Variants in CHD9 observed in about 807,000 individuals in gnomAD.
The protein encoded by CHD9 is chromodomain helicase DNA binding protein 9.
Under a neutral mutation model 316.1 loss-of-function variants are expected in CHD9, and 77 were observed. The ratio of observed to expected loss-of-function variants is 0.24; its 90% CI spans 0.20 to 0.29. The LOEUF is 0.29. Among genes scored for constraint, CHD9 ranks in the 10% least tolerant of loss-of-function variants. The pLI is 1.00. For missense variants in CHD9, 2,763 were observed against 3,438.1 expected (o/e 0.80, Z 4.91); for synonymous variants, 1,129 against 1,158.3 (o/e 0.97, Z 0.51).
At chr16:53,231,258 C>T (rs552893582) in intron 8 of CHD9, among the ~76,000 whole-genome samples, 161 bp from the exon 9 acceptor site, 1 of 152,224 alleles carries the variant, frequency 6.6e-6, no homozygotes, top group East Asian at 1.9e-4. Flanking sequence ...TTCATGTTAT[C>T]CTAGCTATCA....
intron 1 of CHD9, among the ~76,000 whole-genome samples, chr16:53,055,991 C>G (rs979534065): frequency 6.6e-6 from 1 of 151,230 alleles, no homozygotes; most frequent in Admixed American, 6.6e-5. Context: ...CAGTGAGAGG[C>G]CTTATAACGA....
chr16:53,248,416 G>A (rs1034641083), intron 16 of CHD9, among the ~76,000 whole-genome samples: 4 of 151,196 alleles, frequency 2.6e-5, no homozygotes, highest in South Asian at 2.1e-4. Flanking sequence ...AGACCATTAG[G>A]ATTCCATCTG....
chr16:53,259,979 T>C (rs1302511274), intron 19 of CHD9, among the ~76,000 whole-genome samples: 1 of 152,244 alleles, frequency 6.6e-6, no homozygotes, highest in African/African-American at 2.4e-5. Context: ...ATGTTTATAA[T>C]AATGAAGATA....
intron 1 of CHD9, among the ~76,000 whole-genome samples, chr16:53,078,216 A>T (rs2034719280): frequency 6.6e-6 from 1 of 152,228 alleles, no homozygotes; most frequent in Admixed American, 6.5e-5. Flanking sequence ...TGTTCCCTCC[A>T]AAAGTGGTGT....
intron 12 of CHD9, 76 bp from the exon 13 acceptor site, chr16:53,242,764 T>C (rs1000912303): frequency 7.7e-7 from 1 of 1,296,050 alleles, no homozygotes; most frequent in South Asian, 1.3e-5. Context: ...ACAGATGTTA[T>C]CTGATGCCAC....
At chr16:53,185,945 T>C (rs1457306299) in intron 2 of CHD9, among the ~76,000 whole-genome samples, 2 of 152,200 alleles carry the variant, frequency 1.3e-5, no homozygotes, top group Non-Finnish European at 2.9e-5. Context: ...CAGGCAGAAG[T>C]GTGCTGCAGG....
At chr16:53,056,182 C>T (rs2032090431) in intron 1 of CHD9, among the ~76,000 whole-genome samples, 1 of 152,180 alleles carries the variant, frequency 6.6e-6, no homozygotes, top group South Asian at 2.1e-4. Context: ...TGAGCCGCTG[C>T]GCCCCGCTGA....
At position 53,226,348 on chromosome 16, in the gene CHD9, T is replaced by C. The variant is rs777821340; in HGVS notation, c.1897-18T>C. ...TCAAAATAAATTATATAAATCTGAT[T>C]CTTGTGGTTCATTACAGAAAAGAAG... On this transcript the variant is annotated intron_variant, in intron 4 of 38. Coordinates refer to ENST00000447540, the MANE Select transcript of CHD9 (RefSeq NM_001308319.2). 1.3e-5 allele frequency: 19 copies of C among 1,493,840 alleles called. No homozygotes were observed. The African/African-American group carries it at 2.2e-4, about 17-fold the overall frequency. The allele number at this position is 1,493,840 out of a possible 1,614,324, so 92.5% of individuals were successfully genotyped here.
At chr16:53,323,069 C>T (rs1316515737) in intron 38 of CHD9, among the ~76,000 whole-genome samples, 3 of 152,010 alleles carry the variant, frequency 2.0e-5, no homozygotes, top group Non-Finnish European at 4.4e-5. Flanking sequence ...AAACAGTAGC[C>T]CCTCAGTAGC....
At chr16:53,089,474 T>C (rs2035753882) in intron 1 of CHD9, among the ~76,000 whole-genome samples, 1 of 152,202 alleles carries the variant, frequency 6.6e-6, no homozygotes, top group Admixed American at 6.5e-5. Flanking sequence ...ATTTAATATC[T>C]TTGAGCTTCA....
At chr16:53,062,804 G>A (rs2033060331) in intron 1 of CHD9, among the ~76,000 whole-genome samples, 1 of 152,208 alleles carries the variant, frequency 6.6e-6, no homozygotes, top group African/African-American at 2.4e-5. Flanking sequence ...GCCAAGGAGG[G>A]CTGATCACCT....
chr16:53,290,835 A>G (rs748511261), intron 27 of CHD9, among the ~76,000 whole-genome samples: 1 of 152,206 alleles, frequency 6.6e-6, no homozygotes, highest in Non-Finnish European at 1.5e-5. Flanking sequence ...ACTGAAATCA[A>G]TAACCACCAC....
chr16:53,208,817 T>C (rs2046095409), intron 2 of CHD9: 1 of 540,380 alleles, frequency 1.9e-6, no homozygotes, highest in Non-Finnish European at 2.4e-6. Context: ...TATTGCTAAA[T>C]ATTAATAATT....
At chr16:53,166,806 A>C (rs542311733) in intron 2 of CHD9, among the ~76,000 whole-genome samples, 261 of 152,292 alleles carry the variant, frequency 1.7e-3, no homozygotes, top group African/African-American at 6.1e-3. Flanking sequence ...CTATGTAAGG[A>C]ATACTTTACA....
At chr16:53,078,847 T>C (rs1301702158) in intron 1 of CHD9, among the ~76,000 whole-genome samples, 3 of 152,194 alleles carry the variant, frequency 2.0e-5, no homozygotes, top group African/African-American at 7.2e-5. Context: ...AACATTGTGC[T>C]TTGCCAATTC....
chr16:53,295,104 A>T lies in CHD9; in HGVS notation c.5511-1852A>T, dbSNP rs145947304. On this transcript the variant is annotated intron_variant, in intron 29 of 38. Coordinates refer to ENST00000447540, the MANE Select transcript of CHD9 (RefSeq NM_001308319.2). ...ACACTTAGCCCATCCCTCAGAGCTC[A>T]GCATATGGCCTATTTCCTCTAATAA... 3.3e-5 allele frequency among the ~76,000 whole-genome samples: 5 copies of T among 152,226 alleles called. 1 individual carries two copies. The highest frequency in any genetic ancestry group is 2.6e-4 in the Admixed American group (4 of 15,276).
intron 29 of CHD9, among the ~76,000 whole-genome samples, chr16:53,296,221 G>A (rs903522785): frequency 6.6e-6 from 1 of 151,932 alleles, no homozygotes; most frequent in Non-Finnish European, 1.5e-5. Context: ...ACAAATATAA[G>A]GTATTACCTT....
At chr16:53,121,316 A>G (rs2038724741) in intron 1 of CHD9, 1 of 455,564 alleles carries the variant, frequency 2.2e-6, no homozygotes, top group Admixed American at 2.4e-5. Flanking sequence ...CTTCTCCAGG[A>G]GTGCTTATGT....
chr16:53,198,512 G>A (rs2045148004), intron 2 of CHD9, among the ~76,000 whole-genome samples: 1 of 151,536 alleles, frequency 6.6e-6, no homozygotes, highest in East Asian at 1.9e-4. Flanking sequence ...ATTTTTAGTA[G>A]AGATGGGGTT....
Sources: gnomAD v4.1 joint callset for allele counts (sites outside exome capture counted in the v4.1 genomes callset) on GRCh38, gnomAD v4.1.1 for gene constraint, MANE v1.5 for transcripts, NCBI Gene and HGNC (gene_info 2026-07-23, HGNC 2026-07-21) for gene names.